PUM1: variants seen among roughly 807,000 people sequenced by gnomAD.
PUM1 encodes pumilio homolog 1.
A neutral mutation model predicts 131.8 loss-of-function variants in PUM1; 13 were observed. The ratio of observed to expected loss-of-function variants is 0.10; its 90% CI spans 0.06 to 0.16. The LOEUF (loss-of-function observed/expected upper bound fraction) is 0.16. Ranked by LOEUF, PUM1 falls within the 10% of genes least tolerant of loss-of-function variation. The pLI, the probability that PUM1 is intolerant of heterozygous loss-of-function variation, is 1.00. For missense variants in PUM1, 961 were observed against 1,512.4 expected, an observed-to-expected ratio of 0.64 and a Z score of 6.05; for synonymous variants, 509 against 556.5, an observed-to-expected ratio of 0.91 and a Z score of 1.20.
intron 3 of PUM1, among the ~76,000 whole-genome samples, chr1:31,012,052 T>C (rs929179033): frequency 6.6e-6 from 1 of 152,162 alleles, no homozygotes; most frequent in African/African-American, 2.4e-5. Context: ...GGTTAGATAG[T>C]AGCTTAATTA....
chr1:31,057,504 C>T (rs1644269976), intron 2 of PUM1, among the ~76,000 whole-genome samples: 1 of 150,476 alleles, frequency 6.6e-6, no homozygotes, highest in South Asian at 2.1e-4. Flanking sequence ...GCAGGTGGAT[C>T]ACATGAGGTC....
chr1:31,013,884 A>G lies in PUM1; in HGVS notation c.433-6782T>C, dbSNP rs1642713207. ...TATAAATACTAAGAACTATACTGAT[A>G]TTAAGTTATACTAAAGCTTTATTTA... On this transcript the variant is annotated intron_variant, in intron 3 of 21. Transcript: ENST00000426105. 2.0e-5 allele frequency among the ~76,000 whole-genome samples: 3 copies of G among 152,228 alleles called. 1 individual carries two copies. The South Asian group carries it at 6.2e-4, about 31-fold the overall frequency.
rs1291636884 is a variant in PUM1 at position 30,932,653 on chromosome 1, A to C, written c.*558T>G. ...AACCTTTTTCATTATATATATATAT[A>C]TATATATATATATTTTTTATAAACA... is the stretch of plus-strand genomic sequence containing the variant. On this transcript the variant is annotated 3_prime_UTR_variant, in exon 22 of 22. Transcript: ENST00000426105. The C allele has an allele frequency of 6.8e-6, 1 of 147,202 alleles. No homozygotes were observed. Among genetic ancestry groups the C allele is most frequent in the African/African-American group, 2.5e-5 (1 of 40,584 alleles). The allele number at this position is 147,202 out of a possible 1,614,324, so 9.1% of individuals were successfully genotyped here.
At chr1:30,945,872 G>A (rs930961135) in intron 17 of PUM1, among the ~76,000 whole-genome samples, 10 of 152,104 alleles carry the variant, frequency 6.6e-5, no homozygotes, top group East Asian at 1.9e-4. Flanking sequence ...TGCAACCTCC[G>A]CCTCCCAGGT....
chr1:30,955,191 C>A (rs1026478389), intron 14 of PUM1, among the ~76,000 whole-genome samples: 1 of 151,594 alleles, frequency 6.6e-6, no homozygotes, highest in Non-Finnish European at 1.5e-5. Flanking sequence ...GACGGTGGCT[C>A]ATGCCTGTAA....
At chr1:30,995,519 A>G (rs896768329) in intron 5 of PUM1, among the ~76,000 whole-genome samples, 6 of 149,286 alleles carry the variant, frequency 4.0e-5, no homozygotes, top group African/African-American at 1.5e-4. Context: ...TTTTCTTCCT[A>G]CCCAAAGCCC....
At chr1:31,015,606 G>A (rs1290372210) in intron 3 of PUM1, among the ~76,000 whole-genome samples, 1 of 151,608 alleles carries the variant, frequency 6.6e-6, no homozygotes, top group East Asian at 1.9e-4. Flanking sequence ...CTCCCAAAGT[G>A]CTGGGATTAC....
intron 5 of PUM1, among the ~76,000 whole-genome samples, chr1:30,998,348 T>C (rs185444968): frequency 1.5e-4 from 23 of 152,220 alleles, no homozygotes; most frequent in Non-Finnish European, 2.6e-4. Flanking sequence ...TATTAAGAGA[T>C]AGTATCAGCT....
intron 5 of PUM1, among the ~76,000 whole-genome samples, chr1:31,002,798 T>A (rs372484978): frequency 6.6e-6 from 1 of 152,240 alleles, no homozygotes; most frequent in African/African-American, 2.4e-5. Flanking sequence ...GAACAAAATA[T>A]GGTTGCCAGA....
In PUM1 at chr1:31,029,097, C is replaced by T. The variant is rs557057822; in HGVS notation, c.364-233G>A. 5.3e-5 allele frequency among the ~76,000 whole-genome samples: 8 copies of T among 152,242 alleles called. No homozygotes were observed. The South Asian group carries it at 1.7e-3, about 32-fold the overall frequency. On this transcript the variant is annotated intron_variant, in intron 2 of 21. Transcript: ENST00000426105. ...CCTTATATTTTCAAAACATGAAAAA[C>T]ACAAAATCCAAATGAATGAAAAAGC...
chr1:30,954,021 A>G (rs767424583), intron 14 of PUM1, 40 bp from the exon 15 acceptor site: 3 of 1,584,392 alleles, frequency 1.9e-6, no homozygotes, highest in Non-Finnish European at 2.6e-6. Flanking sequence ...ACCACTCTTC[A>G]GCAACTTCAT....
chr1:31,053,951 G>T (rs1325159989), intron 2 of PUM1, among the ~76,000 whole-genome samples: 1 of 151,852 alleles, frequency 6.6e-6, no homozygotes, highest in African/African-American at 2.4e-5. Flanking sequence ...AAAATTAGCC[G>T]GGCGTGGTGG....
intron 2 of PUM1, among the ~76,000 whole-genome samples, chr1:31,044,704 T>C (rs1643911577): frequency 6.6e-6 from 1 of 151,990 alleles, no homozygotes; most frequent in South Asian, 2.1e-4. Context: ...TAAGATGGAG[T>C]CTTGCTCTTG....
chr1:30,975,601 T>C (rs1222752689), intron 9 of PUM1, among the ~76,000 whole-genome samples: 1 of 149,064 alleles, frequency 6.7e-6, no homozygotes, highest in Non-Finnish European at 1.5e-5. Flanking sequence ...GCGATCCATC[T>C]GCCTTGGCCT....
chr1:31,061,286 C>CCCATCT (rs1644361375), intron 1 of PUM1, among the ~76,000 whole-genome samples: 1 of 152,070 alleles, frequency 6.6e-6, no homozygotes, highest in Non-Finnish European at 1.5e-5. Context: ...CAGTGAGACC[C>CCCATCT]CCATCTCTAT....
intron 14 of PUM1, among the ~76,000 whole-genome samples, chr1:30,962,934 T>C (rs1640478349): frequency 1.3e-5 from 2 of 152,196 alleles, no homozygotes; most frequent in African/African-American, 2.4e-5. Context: ...ATAGTTCACA[T>C]GTTTTTAAAC....
intron 7 of PUM1, among the ~76,000 whole-genome samples, chr1:30,991,639 C>T (rs948890517): frequency 9.2e-5 from 14 of 152,134 alleles, no homozygotes; most frequent in South Asian, 2.1e-4. Flanking sequence ...AAACTGCTTC[C>T]GCCACAAGGG....
chr1:30,942,176 A>ATGC (rs1482943178), intron 18 of PUM1, 53 bp from the exon 19 acceptor site: 1 of 1,006,428 alleles, frequency 9.9e-7, no homozygotes, highest in Non-Finnish European at 1.4e-6. Flanking sequence ...ACCACCTTCA[A>ATGC]TGCTTCAGTA....
intron 18 of PUM1, among the ~76,000 whole-genome samples, chr1:30,942,477 AGC>A (rs1463921806): frequency 2.0e-5 from 3 of 151,902 alleles, no homozygotes; most frequent in Non-Finnish European, 2.9e-5. Flanking sequence ...TCCAAAAGAC[AGC>A]GCTAACAACA....
Sources: allele counts gnomAD v4.1 joint callset (sites outside exome capture counted in the v4.1 genomes callset), GRCh38; gene constraint gnomAD v4.1.1; transcripts MANE v1.5; gene names NCBI Gene and HGNC (gene_info 2026-07-23, HGNC 2026-07-21).